Variants in LRP6 observed in about 807,000 individuals in gnomAD.
The protein encoded by LRP6 is LDL receptor related protein 6.
A neutral mutation model predicts 184.1 loss-of-function variants in LRP6; 43 were observed. The ratio of observed to expected loss-of-function variants is 0.23; its 90% confidence interval spans 0.18 to 0.30. The LOEUF (loss-of-function observed/expected upper bound fraction) is 0.30, where lower values mean the gene tolerates loss of function less well. Ranked by LOEUF, LRP6 falls within the 10% of genes least tolerant of loss-of-function variation. The pLI is 1.00. For synonymous variants in LRP6, 719 were observed against 684.9 expected, an observed-to-expected ratio of 1.05 and a Z score of -0.78; for missense variants, 1,571 against 2,005.3, an observed-to-expected ratio of 0.78 and a Z score of 4.14.
At position 12,203,272 on chromosome 12, in the gene LRP6, T is replaced by A; in HGVS notation, c.578A>T (p.Glu193Val). ...TGCATCTGCCCAATAAAGCTTTTGT[T>A]CTTCATAATCCAAAGTCAGTCCATT... ...WPNGLTLDYE[E>V]QKLYWADAKL... is the part of the protein sequence containing the mutation. Residue 193 changes from glutamate (E) to valine (V), a missense_variant, in exon 3 of 23, where the codon GAA (glutamate) becomes GTA (valine). Glu to Val is a moderately radical substitution (Grantham distance 121). Around this residue, in one of 4 missense-constraint regions of LRP6, gnomAD observed 640 missense variants for 851.9 expected, o/e 0.75. Coordinates refer to ENST00000261349, the MANE Select transcript of LRP6 (RefSeq NM_002336.3). The A allele has an allele frequency of 6.2e-7, 1 of 1,613,944 alleles. No homozygotes were observed. Among genetic ancestry groups the A allele is most frequent in the South Asian group, 1.1e-5 (1 of 90,994 alleles).
intron 7 of LRP6, among the ~76,000 whole-genome samples, chr12:12,175,829 A>AC (rs1412061607): frequency 6.6e-6 from 1 of 151,648 alleles, no homozygotes; most frequent in Admixed American, 6.6e-5. Flanking sequence ...AAACACACTG[A>AC]TTTTGTCAAT....
At chr12:12,203,518 GC>G in intron 2 of LRP6, 118 bp from the exon 3 acceptor site, 2 of 812,568 alleles carry the variant, frequency 2.5e-6, no homozygotes, top group Non-Finnish European at 4.1e-6. Context: ...TGTAATCCCA[GC>G]ACTCTGGGAG....
intron 3 of LRP6, among the ~76,000 whole-genome samples, chr12:12,193,720 G>A (rs1028461248): frequency 1.3e-5 from 2 of 151,924 alleles, no homozygotes; most frequent in Non-Finnish European, 2.9e-5. Context: ...CAACAAACAA[G>A]GAAATTGAAT....
intron 16 of LRP6, 63 bp downstream of exon 16, chr12:12,138,262 A>G (rs1949874807): frequency 1.4e-6 from 2 of 1,422,628 alleles, no homozygotes; most frequent in African/African-American, 1.4e-5. Flanking sequence ...AATCCACAAA[A>G]GTACATATTA....
chr12:12,209,041 T>C (rs1244753423), intron 2 of LRP6, among the ~76,000 whole-genome samples: 1 of 152,166 alleles, frequency 6.6e-6, no homozygotes, highest in African/African-American at 2.4e-5. Context: ...AAATAAGAAG[T>C]TACTCTCACT....
chr12:12,203,772 CA>C (rs1863978312), intron 2 of LRP6, among the ~76,000 whole-genome samples: 1 of 151,962 alleles, frequency 6.6e-6, no homozygotes, highest in East Asian at 1.9e-4. Context: ...GTCTCAAAAA[CA>C]AACAAACAAA....
At position 12,191,048 on chromosome 12, in the gene LRP6, A is replaced by G. The variant is rs181018255; in HGVS notation, c.648-3929T>C. Among the ~76,000 whole-genome samples the G allele has an allele frequency of 9.2e-5, 14 of 152,358 alleles. No homozygotes were observed. The East Asian group carries it at 2.7e-3, about 29-fold the overall frequency. On this transcript the variant is annotated intron_variant, in intron 3 of 22. Transcript: ENST00000261349. ...CTGCAGGATATGAGAAAGAAACAAT[A>G]GGACATCTGGCAGGACAGAACACAT... is the stretch of plus-strand genomic sequence containing the variant.
intron 3 of LRP6, among the ~76,000 whole-genome samples, chr12:12,202,161 G>C (rs1017878210): frequency 2.6e-5 from 4 of 152,206 alleles, no homozygotes; most frequent in Non-Finnish European, 4.4e-5. Context: ...TGTCTTCCTT[G>C]AACACTGAAA....
At chr12:12,155,441 A>G in intron 12 of LRP6, 1 of 956,186 alleles carries the variant, frequency 1.0e-6, no homozygotes, top group Non-Finnish European at 1.7e-6. Flanking sequence ...CCACTGCAAA[A>G]CTGGAAGGGT....
chr12:12,141,276 T>C (rs551692260), intron 15 of LRP6, among the ~76,000 whole-genome samples: 60 of 151,804 alleles, frequency 4.0e-4, no homozygotes, highest in Admixed American at 1.5e-3. Context: ...TTCTAGGACA[T>C]TGAGGGGAAA....
Position 12,250,914 on chromosome 12 carries a change from A to G in LRP6, c.56-6259T>C, listed in dbSNP as rs139974999. Among the ~76,000 whole-genome samples, 11 of 150,678 alleles carry G rather than the reference A, an allele frequency of 7.3e-5. No individual in the cohort carries two copies. In the East Asian group the frequency reaches 2.2e-3, roughly 30 times the overall value. On this transcript the variant is annotated intron_variant, in intron 1 of 22. Transcript: ENST00000261349. The stretch of plus-strand genomic sequence containing the variant: ...TGGGGTAACAGACGTGAGCCAACGC[A>G]CCTGGCTTGATTTTTTTCTTCTTCT...
intron 2 of LRP6, among the ~76,000 whole-genome samples, chr12:12,228,976 A>G (rs537576759): frequency 6.6e-6 from 1 of 152,376 alleles, no homozygotes; most frequent in South Asian, 2.1e-4. Flanking sequence ...GCCTGCTCAG[A>G]GGACATGGTA....
chr12:12,262,356 G>T (rs757865232), intron 1 of LRP6, among the ~76,000 whole-genome samples: 1 of 152,070 alleles, frequency 6.6e-6, no homozygotes, highest in Non-Finnish European at 1.5e-5. Flanking sequence ...TCCAGCCTGG[G>T]CGACAGGGTG....
chr12:12,223,175 A>AG (rs938027655), intron 2 of LRP6, among the ~76,000 whole-genome samples: 34 of 97,670 alleles, frequency 3.5e-4, no homozygotes, highest in South Asian at 2.6e-3. Flanking sequence ...TCATTTCATC[A>AG]GAAAAAAAAA....
In LRP6 at chr12:12,243,551, A is replaced by G. The variant is rs573686965; in HGVS notation, c.449+711T>C. The stretch of plus-strand genomic sequence containing the variant: ...TATCTTCTGATATCACAAAAAATAA[A>G]TACAGAAGAAAACCCAAGAAATATA... On this transcript the variant is annotated intron_variant, in intron 2 of 22. Transcript: ENST00000261349. Among the ~76,000 whole-genome samples, 5 of 152,292 alleles carry G rather than the reference A, an allele frequency of 3.3e-5. No homozygotes were observed. In the South Asian group the frequency reaches 1.0e-3, roughly 32 times the overall value.
chr12:12,190,936 T>C (rs1012645561), intron 3 of LRP6, among the ~76,000 whole-genome samples: 1 of 152,072 alleles, frequency 6.6e-6, no homozygotes, highest in Non-Finnish European at 1.5e-5. Context: ...ATGGACAACA[T>C]TCACAACAAA....
intron 2 of LRP6, among the ~76,000 whole-genome samples, chr12:12,238,848 C>A (rs1864986792): frequency 1.3e-5 from 2 of 151,984 alleles, no homozygotes; most frequent in African/African-American, 4.8e-5. Context: ...ACTGAGTAAA[C>A]CTAAAAACAT....
chr12:12,242,190 TA>T (rs1865084521), intron 2 of LRP6, among the ~76,000 whole-genome samples: 1 of 152,186 alleles, frequency 6.6e-6, no homozygotes, highest in African/African-American at 2.4e-5. Flanking sequence ...GTGCCCCTTC[TA>T]ATTATTTTAA....
In LRP6 at chr12:12,119,998, T is replaced by TAC. The variant is rs1336132258; in HGVS notation, c.*1127_*1128insGT. 4.3e-5 allele frequency: 2 copies of TAC among 46,702 alleles called. No homozygotes were observed. The highest frequency in any genetic ancestry group is 8.4e-5 in the Non-Finnish European group (2 of 23,878). The allele number at this position is 46,702 out of a possible 1,614,324, so 2.9% of individuals were successfully genotyped here. A position where few individuals can be genotyped will look rare whatever the true frequency, so the allele number is the denominator to read the frequency against. On this transcript the variant is annotated 3_prime_UTR_variant, in exon 23 of 23. Transcript: ENST00000261349. ...AACAAACAAACAAACAAAATATATATATATATATATATATATATATATATA... is the reference window on the plus strand; with the variant it reads ...AACAAACAAACAAACAAAATATATATACATATATATATATATATATATATATA...
Sources: gnomAD v4.1 joint callset for allele counts (sites outside exome capture counted in the v4.1 genomes callset) on GRCh38, gnomAD v4.1.1 for gene constraint, gnomAD v4.1.1 regional missense constraint, MANE v1.5 for transcripts, NCBI Gene and HGNC (gene_info 2026-07-23, HGNC 2026-07-21) for gene names.